TNS3: variants seen among roughly 807,000 people sequenced by gnomAD.
TNS3 encodes the protein tensin-3.
TNS3 carries 45 observed loss-of-function variants against 140.9 expected under a neutral mutation model. The ratio of observed to expected loss-of-function variants is 0.32; its 90% CI spans 0.25 to 0.41. The LOEUF (loss-of-function observed/expected upper bound fraction) is 0.41, where lower values mean the gene tolerates loss of function less well. Ranked by LOEUF, TNS3 falls within the 10% of genes least tolerant of loss-of-function variation. TNS3 has a pLI of 1.00. For missense variants in TNS3, 1,716 were observed against 1,906.7 expected (o/e 0.90, Z 1.86); for synonymous variants, 815 against 788.4 (o/e 1.03, Z -0.56).
chr7:47,353,415 T>G (rs1789800392), intron 17 of TNS3, among the ~76,000 whole-genome samples: 1 of 152,198 alleles, frequency 6.6e-6, no homozygotes, highest in Admixed American at 6.5e-5. Context: ...ACTCTCTCTC[T>G]ACCCCAAATC....
chr7:47,556,510 C>G (rs769788784), intron 1 of TNS3, among the ~76,000 whole-genome samples: 26 of 152,166 alleles, frequency 1.7e-4, no homozygotes, highest in Non-Finnish European at 2.8e-4. Context: ...GGTAGGGAAC[C>G]GAGGACGACA....
rs549725145 is a variant in TNS3 at position 47,464,499 on chromosome 7, C to T, written c.-76+16604G>A. 4.6e-5 allele frequency among the ~76,000 whole-genome samples: 7 copies of T among 152,202 alleles called. No homozygotes were observed. In the South Asian group the frequency reaches 1.5e-3, roughly 32 times the overall value. On this transcript the variant is annotated intron_variant, in intron 4 of 30. Coordinates refer to ENST00000311160, the MANE Select transcript of TNS3 (RefSeq NM_022748.12). ...CTCAAGGTGGCCCCGGGTGGCAGCCCCACCCCAGCAAGTCATCTCCTAGAA... is the reference window on the plus strand; with the variant it reads ...CTCAAGGTGGCCCCGGGTGGCAGCCTCACCCCAGCAAGTCATCTCCTAGAA...
chr7:47,524,612 C>G (rs36056452), intron 2 of TNS3, among the ~76,000 whole-genome samples: 25,178 of 149,438 alleles, frequency 0.17, 2,173 homozygotes, highest in East Asian at 0.32. Context: ...ACCATCCTGG[C>G]TAACAAGGTG....
At chr7:47,402,069 A>G (rs1196046728) in intron 13 of TNS3, among the ~76,000 whole-genome samples, 3 of 152,218 alleles carry the variant, frequency 2.0e-5, no homozygotes, top group Non-Finnish European at 4.4e-5. Flanking sequence ...CCGGACCAGC[A>G]TGCGGGAGAA....
chr7:47,581,763 C>T (rs1342279124), intron 1 of TNS3: 2 of 151,514 alleles, frequency 1.3e-5, no homozygotes, highest in African/African-American at 4.9e-5. Context: ...CGCCGCAAAC[C>T]CCGTACCCGC....
At chr7:47,573,563 T>A (rs1223111455) in intron 1 of TNS3, among the ~76,000 whole-genome samples, 1 of 151,714 alleles carries the variant, frequency 6.6e-6, no homozygotes, top group Non-Finnish European at 1.5e-5. Flanking sequence ...CCAGGGCCTC[T>A]GCCCACGCTG....
intron 4 of TNS3, among the ~76,000 whole-genome samples, chr7:47,461,976 A>G (rs907148980): frequency 6.6e-6 from 1 of 152,228 alleles, no homozygotes; most frequent in African/African-American, 2.4e-5. Flanking sequence ...GATGTACACT[A>G]TGTAAAAACA....
intron 4 of TNS3, among the ~76,000 whole-genome samples, chr7:47,469,522 C>A (rs1448866894): frequency 6.6e-6 from 1 of 152,202 alleles, no homozygotes; most frequent in Non-Finnish European, 1.5e-5. Context: ...AACAGAACTA[C>A]CATTCAACCC....
At chr7:47,470,768 G>T in intron 4 of TNS3, 1 of 434,278 alleles carries the variant, frequency 2.3e-6, no homozygotes, top group Non-Finnish European at 3.1e-6. Context: ...CTCCCGGGTG[G>T]ATGTAAGCTG....
intron 3 of TNS3, among the ~76,000 whole-genome samples, chr7:47,487,097 G>A (rs74617575): frequency 1.7e-4 from 26 of 152,046 alleles, no homozygotes; most frequent in African/African-American, 5.3e-4. Flanking sequence ...TCAGGAGCTC[G>A]AGACCAACCT....
chr7:47,361,860 T>A (rs1014084868), intron 17 of TNS3, among the ~76,000 whole-genome samples: 1 of 151,956 alleles, frequency 6.6e-6, no homozygotes, highest in South Asian at 2.1e-4. Context: ...AGGGTGGAGG[T>A]TGATGTAACA....
At chr7:47,384,166 C>T (rs1254996558) in intron 16 of TNS3, among the ~76,000 whole-genome samples, 2 of 152,244 alleles carry the variant, frequency 1.3e-5, no homozygotes, top group Non-Finnish European at 2.9e-5. Context: ...GACATCCCTA[C>T]CTGTCCACCA....
At chr7:47,290,248 C>T (rs1785624253) in intron 27 of TNS3, among the ~76,000 whole-genome samples, 2 of 152,160 alleles carry the variant, frequency 1.3e-5, no homozygotes, top group South Asian at 4.1e-4. Context: ...TAAAACGGAT[C>T]ACAGACTTAA....
rs190697041 is a variant in TNS3 at position 47,309,678 on chromosome 7, T to C, written c.2651-4675A>G. 4.6e-4 allele frequency among the ~76,000 whole-genome samples: 70 copies of C among 152,348 alleles called. 1 individual carries two copies. The East Asian group carries it at 0.013, about 29-fold the overall frequency. ...TCCAGTGAGGTAGAAGAAGCCAGAA[T>C]GTTAGATTGTTCACTGCAGGTCGTC... On this transcript the variant is annotated intron_variant, in intron 20 of 30. Transcript: ENST00000311160.
chr7:47,283,028 G>A (rs113937348), intron 28 of TNS3, among the ~76,000 whole-genome samples: 13 of 152,152 alleles, frequency 8.5e-5, no homozygotes, highest in African/African-American at 2.2e-4. Context: ...CTGCTGCCAC[G>A]GTTGATGCCA....
intron 20 of TNS3, among the ~76,000 whole-genome samples, chr7:47,322,027 T>C (rs1031315129): frequency 1.3e-5 from 2 of 151,960 alleles, no homozygotes; most frequent in Non-Finnish European, 2.9e-5. Flanking sequence ...AGGAGTCTCA[T>C]TGGCATTCTA....
chr7:47,420,630 C>A (rs1158619970), intron 10 of TNS3, among the ~76,000 whole-genome samples: 1 of 152,194 alleles, frequency 6.6e-6, no homozygotes, highest in Non-Finnish European at 1.5e-5. Context: ...GGGAAGTGGG[C>A]CAGCCTATAA....
At chr7:47,541,618 T>C (rs1415464315) in intron 1 of TNS3, among the ~76,000 whole-genome samples, 4 of 152,032 alleles carry the variant, frequency 2.6e-5, no homozygotes, top group Admixed American at 2.6e-4. Flanking sequence ...TTGAATACAA[T>C]ACAAATCCAA....
At position 47,368,379 on chromosome 7, in the gene TNS3, G is replaced by A. The variant is rs1365563764; in HGVS notation, c.2267C>T (p.Ala756Val). 3 of 1,488,270 alleles carry A rather than the reference G, an allele frequency of 2.0e-6. No individual in the cohort carries two copies. Among genetic ancestry groups the A allele is most frequent in the Non-Finnish European group, 1.8e-6 (2 of 1,118,302 alleles). 92.2% of individuals were successfully genotyped at this position (1,488,270 alleles called of 1,614,324 possible). Residue 756 changes from alanine to valine, a missense_variant, in exon 17 of 31, where the codon GCC (alanine) becomes GTC (valine). By Grantham distance (64) the Ala-to-Val change is moderately conservative (BLOSUM62 0). Coordinates refer to ENST00000311160, the MANE Select transcript of TNS3 (RefSeq NM_022748.12). Reference protein sequence around the residue: ...LPDTGEGPSRATGRQGSSAEQ... With the variant: ...LPDTGEGPSRVTGRQGSSAEQ... ...ACCCAGCTCACCTTGCCGCCCGGTG[G>A]CCCTGCTGGGGCCCTCTCCTGTGTC...
Sources: allele counts gnomAD v4.1 joint callset (sites outside exome capture counted in the v4.1 genomes callset), GRCh38; gene constraint gnomAD v4.1.1; transcripts MANE v1.5; gene names NCBI Gene and HGNC (gene_info 2026-07-23, HGNC 2026-07-21).